ADCY10: variants seen among roughly 807,000 people sequenced by gnomAD.
The protein encoded by ADCY10 is adenylate cyclase 10, also known as adenylate cyclase type 10.
A neutral mutation model predicts 183.3 loss-of-function variants in ADCY10; 156 were observed. That is an observed-to-expected ratio of 0.85 (90% CI 0.75 to 0.97). The LOEUF (loss-of-function observed/expected upper bound fraction) is 0.97, where lower values mean the gene tolerates loss of function less well. ADCY10 is among the 50% of genes least tolerant of loss of function. The pLI is 0.00. For synonymous variants in ADCY10, 645 were observed against 670.0 expected (o/e 0.96, Z 0.58); for missense variants, 1,745 against 1,934.3 (o/e 0.90, Z 1.84).
Position 167,824,538 on chromosome 1 carries a change from C to G in ADCY10, c.3990G>C (p.Gln1330His). Residue 1330 changes from glutamine to histidine, a missense_variant, in exon 28 of 33, where the codon CAG (glutamine) becomes CAC (histidine). Coordinates refer to ENST00000367851, the MANE Select transcript of ADCY10 (RefSeq NM_018417.6). ...SRALQMWALL[Q>H]NPNRHYQSLC... ...GGGACTGATAATGTCGGTTGGGATT[C>G]TGGAGCAGTGCCCACATCTGAAGGG... 6.2e-7 allele frequency: 1 copy of G among 1,614,168 alleles called. No homozygotes were observed.
intron 12 of ADCY10, among the ~76,000 whole-genome samples, chr1:167,876,369 T>C (rs1211913152): frequency 2.0e-5 from 3 of 152,168 alleles, no homozygotes; most frequent in African/African-American, 7.2e-5. Flanking sequence ...CACAGGATAC[T>C]GACAGTATCC....
chr1:167,875,945 TC>T (rs1338438906), intron 12 of ADCY10, among the ~76,000 whole-genome samples: 5 of 150,086 alleles, frequency 3.3e-5, no homozygotes, highest in Non-Finnish European at 7.4e-5. Flanking sequence ...AGAGCCAGAC[TC>T]CATCTCAAAA....
chr1:167,882,484 CAAA>C (rs71100909), intron 9 of ADCY10, among the ~76,000 whole-genome samples: 2 of 71,140 alleles, frequency 2.8e-5, no homozygotes, highest in Non-Finnish European at 2.8e-5. Flanking sequence ...GATTCCGTCT[CAAA>C]AAAAAAAAAA....
chr1:167,813,857 A>G (rs1662362599), intron 31 of ADCY10, among the ~76,000 whole-genome samples: 1 of 152,162 alleles, frequency 6.6e-6, no homozygotes, highest in South Asian at 2.1e-4. Context: ...ATTCTGTGAC[A>G]TCAACAACTG....
At chr1:167,844,141 C>A (rs1553266397) in intron 21 of ADCY10, among the ~76,000 whole-genome samples, 1 of 152,088 alleles carries the variant, frequency 6.6e-6, no homozygotes, top group Non-Finnish European at 1.5e-5. Flanking sequence ...ATATAACAAA[C>A]AAGAGAGAAT....
At chr1:167,876,126 T>A (rs203830) in intron 12 of ADCY10, among the ~76,000 whole-genome samples, 7 of 151,196 alleles carry the variant, frequency 4.6e-5, no homozygotes, top group East Asian at 2.0e-4. Context: ...GCGTGGTGGC[T>A]TGCGCCTGCC....
intron 8 of ADCY10, among the ~76,000 whole-genome samples, chr1:167,885,905 C>T (rs892160672): frequency 5.9e-5 from 9 of 152,128 alleles, no homozygotes; most frequent in Non-Finnish European, 8.8e-5. Context: ...TGAGCCACTG[C>T]GCCTGGCCTT....
chr1:167,859,685 C>A, intron 16 of ADCY10, 122 bp downstream of exon 16: 2 of 806,060 alleles, frequency 2.5e-6, no homozygotes, highest in Non-Finnish European at 4.5e-6. Flanking sequence ...CACTTTAGGA[C>A]AAAGCCTTCA....
At chr1:167,836,720 T>C (rs762486777) in intron 22 of ADCY10, among the ~76,000 whole-genome samples, 180 bp from the exon 23 acceptor site, 2 of 151,982 alleles carry the variant, frequency 1.3e-5, no homozygotes, top group Non-Finnish European at 2.9e-5. Context: ...TGAAACCCCA[T>C]CTCTACTAAA....
At chr1:167,850,293 G>GTACA (rs1331587359) in intron 18 of ADCY10, among the ~76,000 whole-genome samples, 2 of 152,138 alleles carry the variant, frequency 1.3e-5, no homozygotes, top group Non-Finnish European at 2.9e-5. Flanking sequence ...GAGACACGAA[G>GTACA]TACAGAAGGA....
intron 8 of ADCY10, 55 bp downstream of exon 8, chr1:167,893,798 C>T (rs2102358638): frequency 1.7e-6 from 2 of 1,207,214 alleles, no homozygotes; most frequent in Non-Finnish European, 2.4e-6. Flanking sequence ...CTTAAAATTC[C>T]AGCTGTCCAG....
chr1:167,841,847 C>A (rs1437177132), intron 21 of ADCY10, among the ~76,000 whole-genome samples: 1 of 152,176 alleles, frequency 6.6e-6, no homozygotes, highest in Non-Finnish European at 1.5e-5. Context: ...TTCACCGATG[C>A]ATTTCAGATG....
At position 167,904,557 on chromosome 1, in the gene ADCY10, G is replaced by A. The variant is rs1571464597; in HGVS notation, c.148+436C>T. The A allele has an allele frequency of 6.7e-5, 25 of 372,550 alleles. No individual in the cohort carries two copies. In the East Asian group the frequency reaches 1.2e-3, roughly 18 times the overall value. The allele number at this position is 372,550 out of a possible 1,614,324, so 23.1% of individuals were successfully genotyped here. Reference sequence around the variant, plus strand: ...GTGATAACTGCAACTTCTTTAACTGGGAATAAAATTTTCATTCCGTGGTAA... The same window carrying A: ...GTGATAACTGCAACTTCTTTAACTGAGAATAAAATTTTCATTCCGTGGTAA... On this transcript the variant is annotated intron_variant, in intron 2 of 32. Transcript: ENST00000367851.
intron 25 of ADCY10, among the ~76,000 whole-genome samples, chr1:167,832,406 A>T (rs961169523): frequency 5.8e-4 from 88 of 152,130 alleles, no homozygotes; most frequent in African/African-American, 2.1e-3. Context: ...ATTTCTTCCC[A>T]CTCATTATTA....
chr1:167,837,221 C>T (rs761703576), intron 22 of ADCY10, 28 bp downstream of exon 22: 6 of 1,561,392 alleles, frequency 3.8e-6, no homozygotes, highest in African/African-American at 1.4e-5. Flanking sequence ...TTATGCTCTA[C>T]TTCCTAAACA....
chr1:167,913,791 A>G (rs780600925), intron 1 of ADCY10, among the ~76,000 whole-genome samples, 185 bp downstream of exon 1: 6 of 152,178 alleles, frequency 3.9e-5, no homozygotes, highest in Admixed American at 6.5e-5. Context: ...AGGTGAGGCA[A>G]TATTTAAGCC....
intron 30 of ADCY10, chr1:167,820,726 C>T (rs1662855502): frequency 6.6e-6 from 1 of 152,298 alleles, no homozygotes; most frequent in Non-Finnish European, 1.5e-5. Flanking sequence ...GACCTGAGCC[C>T]AGGAGTTGGA....
At chr1:167,875,401 A>G (rs926842683) in intron 12 of ADCY10, among the ~76,000 whole-genome samples, 1 of 146,422 alleles carries the variant, frequency 6.8e-6, no homozygotes, top group Non-Finnish European at 1.5e-5. Context: ...ATCTGTTTCC[A>G]TAGCATCTGG....
At chr1:167,823,151 T>G in intron 28 of ADCY10, 28 bp from the exon 29 acceptor site, 1 of 1,591,916 alleles carries the variant, frequency 6.3e-7, no homozygotes, top group South Asian at 1.1e-5. Context: ...TAGTGGCCAT[T>G]AAAAAGTGGT....
Sources: allele counts gnomAD v4.1 joint callset (sites outside exome capture counted in the v4.1 genomes callset), GRCh38; gene constraint gnomAD v4.1.1; transcripts MANE v1.5; gene names NCBI Gene and HGNC (gene_info 2026-07-23, HGNC 2026-07-21).